DYRK1A: variants seen among roughly 807,000 people sequenced by gnomAD.
DYRK1A encodes the protein dual specificity tyrosine phosphorylation regulated kinase 1A.
DYRK1A carries 9 observed loss-of-function variants against 79.7 expected under a neutral mutation model. That is an observed-to-expected ratio of 0.11 (90% CI 0.07 to 0.20). DYRK1A has a LOEUF of 0.20. DYRK1A is among the 10% of genes least tolerant of loss of function. DYRK1A has a pLI of 1.00. For missense variants in DYRK1A, 622 were observed against 956.0 expected, an observed-to-expected ratio of 0.65 and a Z score of 4.61; for synonymous variants, 349 against 329.7, an observed-to-expected ratio of 1.06 and a Z score of -0.63.
chr21:37,506,067 C>T (rs778290137), intron 10 of DYRK1A, 32 bp from the exon 11 acceptor site: 1 of 1,589,764 alleles, frequency 6.3e-7, no homozygotes, highest in South Asian at 1.1e-5. Context: ...TTTAAACTCA[C>T]AGTTGTATTG....
chr21:37,461,860 CTTTT>C (rs113876525), intron 2 of DYRK1A, among the ~76,000 whole-genome samples: 1 of 125,882 alleles, frequency 7.9e-6, no homozygotes, highest in Admixed American at 7.8e-5. Context: ...TGACTTTTTC[CTTTT>C]TTTTTTTTTT....
intron 1 of DYRK1A, among the ~76,000 whole-genome samples, chr21:37,368,897 C>T (rs1030053283): frequency 6.6e-6 from 1 of 152,166 alleles, no homozygotes; most frequent in African/African-American, 2.4e-5. Context: ...CGTGGAATTA[C>T]CTTTGTGGCT....
intron 2 of DYRK1A, among the ~76,000 whole-genome samples, chr21:37,468,187 C>A (rs1329825484): frequency 1.3e-5 from 2 of 152,128 alleles, no homozygotes; most frequent in African/African-American, 4.8e-5. Context: ...TCATAACTCA[C>A]TGCAGCCTTG....
intron 2 of DYRK1A, among the ~76,000 whole-genome samples, chr21:37,439,319 A>C (rs898769338): frequency 1.3e-5 from 2 of 152,150 alleles, no homozygotes; most frequent in African/African-American, 4.8e-5. Flanking sequence ...ACCTCTATGG[A>C]ATGTGGAATA....
chr21:37,373,248 A>G (rs1031103915), intron 1 of DYRK1A, among the ~76,000 whole-genome samples: 5 of 152,216 alleles, frequency 3.3e-5, no homozygotes, highest in East Asian at 1.9e-4. Flanking sequence ...ATGAGACACT[A>G]TAATGAAGTG....
At chr21:37,475,544 A>G (rs1439757634) in intron 3 of DYRK1A, among the ~76,000 whole-genome samples, 1 of 152,256 alleles carries the variant, frequency 6.6e-6, no homozygotes, top group Non-Finnish European at 1.5e-5. Context: ...CAATGAAAGC[A>G]TAGGGAGTAT....
chr21:37,461,541 T>C (rs1386763631), intron 2 of DYRK1A, among the ~76,000 whole-genome samples: 2 of 152,248 alleles, frequency 1.3e-5, no homozygotes, highest in African/African-American at 2.4e-5. Context: ...TGTGAACTTG[T>C]GTGAACATTT....
chr21:37,469,787 C>T (rs147806856), intron 2 of DYRK1A, among the ~76,000 whole-genome samples: 198 of 152,280 alleles, frequency 1.3e-3, no homozygotes, highest in African/African-American at 4.4e-3. Context: ...AACCTCCTAC[C>T]GGGGCCCTCC....
At chr21:37,421,720 T>C (rs563529235) in intron 2 of DYRK1A, 1 of 152,258 alleles carries the variant, frequency 6.6e-6, no homozygotes, top group East Asian at 1.9e-4. Flanking sequence ...ATTTTTAGAA[T>C]TTTATGCACA....
chr21:37,474,549 G>A (rs899918081), intron 3 of DYRK1A, among the ~76,000 whole-genome samples: 5 of 152,130 alleles, frequency 3.3e-5, no homozygotes, highest in African/African-American at 1.2e-4. Context: ...ATAGGACCTG[G>A]CTTCAAGGTC....
chr21:37,479,382 C>G (rs2148575095), intron 4 of DYRK1A, among the ~76,000 whole-genome samples: 1 of 152,142 alleles, frequency 6.6e-6, no homozygotes, highest in East Asian at 1.9e-4. Context: ...AAATTGTTAA[C>G]AAAGCTACAG....
At position 37,512,001 on chromosome 21, in the gene DYRK1A, A is replaced by C. The variant is rs149948846; in HGVS notation, c.1735A>C (p.Thr579Pro). ...TVETHPVQET[T>P]FHVAPQQNAL... ...TGAAACTCATCCTGTTCAAGAAACA[A>C]CCTTTCATGTAGCCCCTCAACAGAA... Residue 579 changes from threonine to proline, a missense_variant, in exon 12 of 12, where the codon ACC becomes CCC. This residue lies in a region of DYRK1A where 292 missense variants were observed against 316.7 expected (regional missense o/e 0.92). Coordinates refer to ENST00000647188, the MANE Select transcript of DYRK1A (RefSeq NM_001347721.2). 9.0e-5 allele frequency: 146 copies of C among 1,613,984 alleles called. No homozygotes were observed. The highest frequency in any genetic ancestry group is 6.2e-4 in the Admixed American group (37 of 59,976).
In DYRK1A at chr21:37,377,033, GTA is replaced by G. The variant is rs1602360186; in HGVS notation, c.-77+9407_-77+9408del. ...AGTGCATAGACAGGTGTGTGTGTGT[GTA>G]TGTACACAGTGTCTGTGTATTTAAA... On this transcript the variant is annotated intron_variant, in intron 1 of 11. Transcript: ENST00000647188. Among the ~76,000 whole-genome samples the G allele has an allele frequency of 2.0e-5, 3 of 152,296 alleles. No homozygotes were observed. The East Asian group carries it at 5.8e-4, about 29-fold the overall frequency.
chr21:37,486,224 T>C (rs1229570902), intron 5 of DYRK1A: 6 of 272,284 alleles, frequency 2.2e-5, no homozygotes, highest in Non-Finnish European at 4.1e-5. Flanking sequence ...TGTGGATATT[T>C]AGAAATATTG....
In DYRK1A at chr21:37,522,282, C is replaced by T. The variant is rs1241903624; in HGVS notation, c.*9751C>T. The T allele has an allele frequency of 6.6e-6, 1 of 152,186 alleles. No homozygotes were observed. Among genetic ancestry groups the T allele is most frequent in the Admixed American group, 6.5e-5 (1 of 15,284 alleles). 9.4% of individuals were successfully genotyped at this position (152,186 alleles called of 1,614,324 possible). Reference sequence around the variant, plus strand: ...CACTGGATGAGAATCTGCATTTGAACAAGGTCCCCAGGTCATTCATGCACA... The same window carrying T: ...CACTGGATGAGAATCTGCATTTGAATAAGGTCCCCAGGTCATTCATGCACA... On this transcript the variant is annotated 3_prime_UTR_variant, in exon 12 of 12. Coordinates refer to ENST00000647188, the MANE Select transcript of DYRK1A (RefSeq NM_001347721.2).
rs55650427 is a variant in DYRK1A at position 37,486,636 on chromosome 21, G to A, written c.637+22G>A. 355,404 of 1,498,052 alleles carry A rather than the reference G, an allele frequency of 0.24. 44,767 individuals carry two copies. The highest frequency in any genetic ancestry group is 0.33 in the South Asian group (24,420 of 73,290). 92.8% of individuals were successfully genotyped at this position (1,498,052 alleles called of 1,614,324 possible). A position where few individuals can be genotyped will look rare whatever the true frequency, so the allele number is the denominator to read the frequency against. On this transcript the variant is annotated intron_variant, in intron 6 of 11. Transcript: ENST00000647188. ...ATAGGTAAACAAACAGGCAAACAGCGCAGTGTGCCCCAACCCACACCAAAA... is the reference window on the plus strand; with the variant it reads ...ATAGGTAAACAAACAGGCAAACAGCACAGTGTGCCCCAACCCACACCAAAA...
rs547378321 is a variant in DYRK1A at position 37,394,634 on chromosome 21, T to A, written c.-76-25665T>A. 2.0e-5 allele frequency among the ~76,000 whole-genome samples: 3 copies of A among 152,298 alleles called. No individual in the cohort carries two copies. In the South Asian group the frequency reaches 6.2e-4, roughly 32 times the overall value. ...TTGATTCTCATAGGAGCGCGAACCC[T>A]GTTGTGAACTGCACATGTGAGGGAT... On this transcript the variant is annotated intron_variant, in intron 1 of 11. Coordinates refer to ENST00000647188, the MANE Select transcript of DYRK1A (RefSeq NM_001347721.2).
chr21:37,374,709 C>T (rs1363175546), intron 1 of DYRK1A, among the ~76,000 whole-genome samples: 3 of 152,066 alleles, frequency 2.0e-5, no homozygotes, highest in African/African-American at 4.8e-5. Context: ...CCTGTCACCA[C>T]GCCTGGCTAA....
At chr21:37,458,299 T>TGTGTGTGTGTGTGTGTGC (rs886271557) in intron 2 of DYRK1A, among the ~76,000 whole-genome samples, 4 of 151,570 alleles carry the variant, frequency 2.6e-5, no homozygotes, top group African/African-American at 9.7e-5. Context: ...TGTGTGTGTG[T>TGTGTGTGTGTGTGTGTGC]GTGTGTGTAC....
Sources: gnomAD v4.1 joint callset for allele counts (sites outside exome capture counted in the v4.1 genomes callset) on GRCh38, gnomAD v4.1.1 for gene constraint, gnomAD v4.1.1 regional missense constraint, MANE v1.5 for transcripts, NCBI Gene and HGNC (gene_info 2026-07-23, HGNC 2026-07-21) for gene names.